Variants in SPHKAP observed in about 807,000 individuals in gnomAD.
The protein encoded by SPHKAP is SPHK1 interactor, AKAP domain containing, also known as A-kinase anchor protein SPHKAP.
Under a neutral mutation model 137.5 loss-of-function variants are expected in SPHKAP, and 67 were observed. The observed-to-expected ratio is 0.49, with a 90% CI of 0.40 to 0.60. SPHKAP has a LOEUF of 0.60. SPHKAP is among the 20% of genes least tolerant of loss of function. The probability of loss-of-function intolerance (pLI) is 0.00; values close to 1 mark genes in which losing one functional copy is unlikely to be tolerated. For missense variants in SPHKAP, 2,097 were observed against 2,069.3 expected, an observed-to-expected ratio of 1.01 and a Z score of -0.26; for synonymous variants, 813 against 785.3, an observed-to-expected ratio of 1.04 and a Z score of -0.59.
chr2:228,101,256 A>C (rs1449830007), intron 3 of SPHKAP, among the ~76,000 whole-genome samples: 1 of 152,146 alleles, frequency 6.6e-6, no homozygotes, highest in Non-Finnish European at 1.5e-5. Flanking sequence ...CTAGGAACTC[A>C]AGCCATAATC....
chr2:228,025,805 A>G (rs892896676), intron 4 of SPHKAP: 22 of 909,450 alleles, frequency 2.4e-5, no homozygotes, highest in Non-Finnish European at 2.9e-5. Context: ...AGTAATTACT[A>G]TCATACCACA....
At chr2:228,030,513 C>CAAAAAAAAAAAAAAAAAAACAAAAAA (rs1695255023) in intron 3 of SPHKAP, among the ~76,000 whole-genome samples, 5 of 48,752 alleles carry the variant, frequency 1.0e-4, no homozygotes, top group Non-Finnish European at 1.6e-4. Context: ...GATACCATCT[C>CAAAAAAAAAAAAAAAAAAACAAAAAA]AAAAAAAAAA....
In SPHKAP at chr2:228,027,939, C is replaced by T. The variant is rs529932299; in HGVS notation, c.247-396G>A. 251 of 886,234 alleles carry T rather than the reference C, an allele frequency of 2.8e-4. No homozygotes were observed. The African/African-American group carries it at 3.1e-3, about 11-fold the overall frequency. The allele number at this position is 886,234 out of a possible 1,614,324, so 54.9% of individuals were successfully genotyped here. A position where few individuals can be genotyped will look rare whatever the true frequency, so the allele number is the denominator to read the frequency against. On this transcript the variant is annotated intron_variant, in intron 3 of 11. Coordinates refer to ENST00000392056, the MANE Select transcript of SPHKAP (RefSeq NM_001142644.2). ...CGAGGTCATGCCCACTCCAGCCTGG[C>T]GACAGTGTGAGACTGCATCTGAAAA...
intron 1 of SPHKAP, among the ~76,000 whole-genome samples, chr2:228,142,815 T>C (rs574423313): frequency 2.7e-4 from 41 of 152,278 alleles, no homozygotes; most frequent in African/African-American, 9.1e-4. Context: ...AGTTTATCTA[T>C]ATAACAAACC....
chr2:228,140,772 G>T (rs541852506), intron 1 of SPHKAP, among the ~76,000 whole-genome samples: 1 of 151,990 alleles, frequency 6.6e-6, no homozygotes, highest in African/African-American at 2.4e-5. Flanking sequence ...CTGACTTTTC[G>T]TGAGATCTGG....
At chr2:228,131,143 A>G (rs1483218203) in intron 2 of SPHKAP, 2 of 193,022 alleles carry the variant, frequency 1.0e-5, no homozygotes, top group East Asian at 3.7e-4. Context: ...ATATGCATGT[A>G]TATCATGTAT....
At chr2:227,998,296 C>A (rs888470464) in intron 7 of SPHKAP, among the ~76,000 whole-genome samples, 6 of 152,120 alleles carry the variant, frequency 3.9e-5, no homozygotes, top group Non-Finnish European at 8.8e-5. Context: ...CTGCGCCCGG[C>A]CTTTAGGGTT....
At chr2:228,114,535 C>T (rs1020301702) in intron 2 of SPHKAP, among the ~76,000 whole-genome samples, 6 of 152,016 alleles carry the variant, frequency 3.9e-5, no homozygotes, top group South Asian at 2.1e-4. Context: ...TTAGTTTTTA[C>T]GTCTATTACA....
intron 11 of SPHKAP, among the ~76,000 whole-genome samples, chr2:227,987,653 T>C (rs1250629367): frequency 6.6e-6 from 1 of 152,092 alleles, no homozygotes; most frequent in East Asian, 1.9e-4. Flanking sequence ...GGAATTTGCC[T>C]TTTAAGTTGA....
intron 2 of SPHKAP, among the ~76,000 whole-genome samples, chr2:228,110,934 T>G (rs1440514205): frequency 2.0e-5 from 3 of 152,148 alleles, no homozygotes; most frequent in Non-Finnish European, 4.4e-5. Context: ...TAATTTAAAT[T>G]CTGTTTTATT....
intron 1 of SPHKAP, among the ~76,000 whole-genome samples, chr2:228,160,538 G>A (rs977271280): frequency 1.3e-5 from 2 of 152,164 alleles, no homozygotes; most frequent in African/African-American, 2.4e-5. Flanking sequence ...CAGACCTTGT[G>A]AGAACTCACT....
rs1692992672 is a variant in SPHKAP at position 227,981,530 on chromosome 2, T to C, written c.*187A>G. On this transcript the variant is annotated 3_prime_UTR_variant, in exon 12 of 12. Coordinates refer to ENST00000392056, the MANE Select transcript of SPHKAP (RefSeq NM_001142644.2). ...AACTCACCCACAAGTTGTATGAATT[T>C]GGACAGACCTATATTTTGCTTTTCC... 3.6e-6 allele frequency: 2 copies of C among 549,610 alleles called. No homozygotes were observed. The highest frequency in any genetic ancestry group is 7.5e-5 in the South Asian group (2 of 26,670). 34.0% of individuals were successfully genotyped at this position (549,610 alleles called of 1,614,324 possible).
rs565454685 is a variant in SPHKAP, at chr2:228,116,732, G to T, written c.139-7793C>A. On this transcript the variant is annotated intron_variant, in intron 2 of 11. Coordinates refer to ENST00000392056, the MANE Select transcript of SPHKAP (RefSeq NM_001142644.2). ...AAACAATAGGCTAGCATTCAAGACA[G>T]AACAGATTCTAATTCAGCTCTCTCT... 4.6e-5 allele frequency among the ~76,000 whole-genome samples: 7 copies of T among 152,208 alleles called. No homozygotes were observed. In the East Asian group the frequency reaches 5.8e-4, roughly 13 times the overall value.
At chr2:228,079,790 C>T (rs529222728) in intron 3 of SPHKAP, among the ~76,000 whole-genome samples, 18 of 152,326 alleles carry the variant, frequency 1.2e-4, no homozygotes, top group Non-Finnish European at 2.1e-4. Flanking sequence ...TCAGGTTCAC[C>T]CCAGTGGATC....
At chr2:227,993,647 A>T in intron 8 of SPHKAP, 27 bp from the exon 9 acceptor site, 1 of 1,547,462 alleles carries the variant, frequency 6.5e-7, no homozygotes, top group East Asian at 2.4e-5. Flanking sequence ...TTACATATTA[A>T]TGCCCGTCTC....
chr2:228,072,069 A>G (rs1697021399), intron 3 of SPHKAP, among the ~76,000 whole-genome samples: 1 of 152,190 alleles, frequency 6.6e-6, no homozygotes, highest in Admixed American at 6.5e-5. Flanking sequence ...ACCCTAATAG[A>G]ATAAAAAAGT....
At chr2:228,001,454 C>T (rs185279095) in intron 7 of SPHKAP, among the ~76,000 whole-genome samples, 39 of 130,940 alleles carry the variant, frequency 3.0e-4, no homozygotes, top group Admixed American at 1.4e-3. Flanking sequence ...TGTATATATA[C>T]GAATATATAC....
intron 7 of SPHKAP, among the ~76,000 whole-genome samples, chr2:228,013,873 GAT>G (rs1694472596): frequency 6.6e-6 from 1 of 152,164 alleles, no homozygotes. Flanking sequence ...TTTGGAAGCA[GAT>G]GTAGGTCTTG....
Position 227,981,825 on chromosome 2 carries a change from G to A in SPHKAP, c.4995C>T (p.Ser1665=), listed in dbSNP as rs61752220. The A allele has an allele frequency of 2.3e-3, 3,765 of 1,613,644 alleles. 5 individuals carry two copies. The highest frequency in any genetic ancestry group is 3.0e-3 in the Non-Finnish European group (3,497 of 1,179,734). The change falls in exon 12 of 12, where the codon TCC becomes TCT. Residue 1665 remains serine (S), a synonymous_variant. Coordinates refer to ENST00000392056, the MANE Select transcript of SPHKAP (RefSeq NM_001142644.2). ...LDVVQLVHRK[S]WKVGDIFHAV... is the part of the protein sequence containing the mutation. The stretch of plus-strand genomic sequence containing the variant: ...CATGGAAGATATCACCCACTTTCCA[G>A]GACTTCCGATGAACCAGCTGCACGA...
Sources: allele counts gnomAD v4.1 joint callset (sites outside exome capture counted in the v4.1 genomes callset), GRCh38; gene constraint gnomAD v4.1.1; transcripts MANE v1.5; gene names NCBI Gene and HGNC (gene_info 2026-07-23, HGNC 2026-07-21).